MUC5B: variants seen among roughly 807,000 people sequenced by gnomAD.
MUC5B encodes the protein mucin-5B.
Under a neutral mutation model 376.9 loss-of-function variants are expected in MUC5B, and 116 were observed. The ratio of observed to expected loss-of-function variants is 0.31; its 90% CI spans 0.26 to 0.36. The LOEUF is 0.36. Ranked by LOEUF, MUC5B falls within the 10% of genes least tolerant of loss-of-function variation. The pLI is 1.00. For missense variants in MUC5B, 7,165 were observed against 7,769.9 expected (o/e 0.92, Z 2.93); for synonymous variants, 3,517 against 3,390.9 (o/e 1.04, Z -1.29).
chr11:1,260,507 C>T (rs1487914831), intron 47 of MUC5B, 114 bp downstream of exon 47: 10 of 1,474,258 alleles, frequency 6.8e-6, no homozygotes, highest in African/African-American at 2.8e-5. Flanking sequence ...GTCCAGACTC[C>T]ACCCTCGGTC....
At chr11:1,225,575 C>A in intron 1 of MUC5B, 106 bp from the exon 2 acceptor site, 2 of 1,003,344 alleles carry the variant, frequency 2.0e-6, no homozygotes, top group South Asian at 1.6e-5. Context: ...CCACCAAGGA[C>A]CCCACATGCG....
At position 1,251,699 on chromosome 11, in the gene MUC5B, C is replaced by T; in HGVS notation, c.14819C>T (p.Ser4940Phe). 6.2e-7 allele frequency: 1 copy of T among 1,611,418 alleles called. No individual in the cohort carries two copies. The highest frequency in any genetic ancestry group is 8.5e-7 in the Non-Finnish European group (1 of 1,178,856). ...ACTGGCTTCCCCAGCTCCCACTTCT[C>T]TACTCCCTGCTTCTGCAGGGCATTT... is the stretch of plus-strand genomic sequence containing the variant. ...RPTGFPSSHF[S>F]TPCFCRAFGQ... Residue 4940 changes from serine to phenylalanine, a missense_variant, in exon 31 of 49, where the codon TCT (serine) becomes TTT (phenylalanine). Around this residue, in one of 31 missense-constraint regions of MUC5B, gnomAD observed 730 missense variants for 592.7 expected, o/e 1.23. Coordinates refer to ENST00000529681, the MANE Select transcript of MUC5B (RefSeq NM_002458.3).
Position 1,249,905 on chromosome 11 carries a change from C to A in MUC5B, c.13025C>A (p.Thr4342Asn). The A allele has an allele frequency of 6.2e-7, 1 of 1,613,704 alleles. No individual in the cohort carries two copies. Among genetic ancestry groups the A allele is most frequent in the South Asian group, 1.1e-5 (1 of 91,076 alleles). ...ACCGGGACCCTCCCAGAACAGACCACCACACCCGTGGCCACCATGTCCACA... is the reference window on the plus strand; with the variant it reads ...ACCGGGACCCTCCCAGAACAGACCAACACACCCGTGGCCACCATGTCCACA... ...GTTGTLPEQT[T>N]TPVATMSTIH... Residue 4342 changes from threonine to asparagine, a missense_variant, in exon 31 of 49, where the codon ACC (threonine) becomes AAC (asparagine). Thr to Asn is a moderately conservative substitution (Grantham distance 65). This residue lies in a region of MUC5B where 431 missense variants were observed against 390.4 expected (regional missense o/e 1.10). Transcript: ENST00000529681.
chr11:1,237,802 G>C (rs1282911050), intron 25 of MUC5B, among the ~76,000 whole-genome samples: 1 of 152,204 alleles, frequency 6.6e-6, no homozygotes, highest in East Asian at 1.9e-4. Flanking sequence ...CTGGGAAGAG[G>C]AGGTTGCAGT....
At chr11:1,223,618 G>A (rs927926875) in intron 1 of MUC5B, among the ~76,000 whole-genome samples, 1 of 152,144 alleles carries the variant, frequency 6.6e-6, no homozygotes, top group Admixed American at 6.5e-5. Context: ...TACCCTTCAC[G>A]ACCTCCCTGG....
chr11:1,234,392 G>C lies in MUC5B; in HGVS notation c.2478+87G>C, dbSNP rs1862109310. 3 of 1,501,302 alleles carry C rather than the reference G, an allele frequency of 2.0e-6. No individual in the cohort carries two copies. In the East Asian group the frequency reaches 7.4e-5, roughly 37 times the overall value. The allele number at this position is 1,501,302 out of a possible 1,614,324, so 93.0% of individuals were successfully genotyped here. On this transcript the variant is annotated intron_variant, in intron 20 of 48. Coordinates refer to ENST00000529681, the MANE Select transcript of MUC5B (RefSeq NM_002458.3). The surrounding 1 kb of genome is among the most constrained non-coding windows in gnomAD (Gnocchi z 6.3). ...AGCCCAGGGATCTGGTGGTCCTGGAGACACTTACCCACCTGGAAGCTCCGC... is the reference window on the plus strand; with the variant it reads ...AGCCCAGGGATCTGGTGGTCCTGGACACACTTACCCACCTGGAAGCTCCGC...
In MUC5B at chr11:1,244,750, C is replaced by G. The variant is rs746239911; in HGVS notation, c.7870C>G (p.Pro2624Ala). 1.2e-6 allele frequency: 2 copies of G among 1,612,562 alleles called. No individual in the cohort carries two copies. The highest frequency in any genetic ancestry group is 1.1e-5 in the South Asian group (1 of 90,988). ...CTTCACAGCCACCCCCTCCTCCAGC[C>G]CAGGGACGGCACGCACGCTTCCAGT... is the stretch of plus-strand genomic sequence containing the variant. ...TGFTATPSSS[P>A]GTARTLPVWI... Residue 2624 changes from proline (P) to alanine (A), a missense_variant, in exon 31 of 49, where the codon CCA (proline) becomes GCA (alanine). Coordinates refer to ENST00000529681, the MANE Select transcript of MUC5B (RefSeq NM_002458.3).
At chr11:1,232,244 T>G in intron 15 of MUC5B, 84 bp downstream of exon 15, 1 of 1,448,052 alleles carries the variant, frequency 6.9e-7, no homozygotes, top group Non-Finnish European at 9.3e-7. Context: ...CGGGGACCCC[T>G]GGGTGGGATT....
rs1861891812 is a variant in MUC5B at position 1,226,706 on chromosome 11, C to T, written c.291C>T (p.Gly97=). 1 of 1,612,804 alleles carries T rather than the reference C, an allele frequency of 6.2e-7. No individual in the cohort carries two copies. Among genetic ancestry groups the T allele is most frequent in the Non-Finnish European group, 8.5e-7 (1 of 1,179,816 alleles). ...ACGGCGACGTCTTCCGCTTCCCTGG[C>T]CTTTGCAACTACGTGTTCTCTGAGC... is the stretch of plus-strand genomic sequence containing the variant. ...TFDGDVFRFP[G]LCNYVFSEHC... Residue 97 remains glycine, a synonymous_variant, in exon 4 of 49, where the codon GGC becomes GGT. Transcript: ENST00000529681.
rs1590190653 is a variant in MUC5B at position 1,253,704 on chromosome 11, C to T, written c.15218-388C>T. On this transcript the variant is annotated intron_variant, in intron 33 of 48. Transcript: ENST00000529681. This position sits in a 1 kb window ranked among gnomAD's most constrained non-coding sequence, Gnocchi z 4.3. ...TCCAGGTGTCCTTTGGCTGTGGCTG[C>T]ATCCCTCCGATCTCTGCCTCTGCCT... Among the ~76,000 whole-genome samples the T allele has an allele frequency of 6.6e-6, 1 of 152,248 alleles. No individual in the cohort carries two copies. The highest frequency in any genetic ancestry group is 6.5e-5 in the Admixed American group (1 of 15,302).
At position 1,239,828 on chromosome 11, in the gene MUC5B, C is replaced by A; in HGVS notation, c.3613C>A (p.Pro1205Thr). Residue 1205 changes from proline to threonine, a missense_variant, in exon 28 of 49, where the codon CCC becomes ACC. Transcript: ENST00000529681. ...CTACCCGAAGTGCCCACCCAGCCAGCCCTTCTTCAATGAGGACCAGATGAA... is the reference window on the plus strand; with the variant it reads ...CTACCCGAAGTGCCCACCCAGCCAGACCTTCTTCAATGAGGACCAGATGAA... ...GCYPKCPPSQ[P>T]FFNEDQMKCV... The A allele has an allele frequency of 1.2e-6, 2 of 1,612,422 alleles. No individual in the cohort carries two copies. The highest frequency in any genetic ancestry group is 1.7e-6 in the Non-Finnish European group (2 of 1,179,372).
chr11:1,256,764 G>C lies in MUC5B; in HGVS notation c.16230G>C (p.Gln5410His). The C allele has an allele frequency of 1.2e-5, 19 of 1,531,486 alleles. No homozygotes were observed. Among genetic ancestry groups the C allele is most frequent in the Non-Finnish European group, 1.5e-5 (17 of 1,140,486 alleles). 94.9% of individuals were successfully genotyped at this position (1,531,486 alleles called of 1,614,324 possible). The change falls in exon 39 of 49, where the codon CAG becomes CAC. Residue 5410 changes from glutamine (Q) to histidine (H), a missense_variant. Coordinates refer to ENST00000529681, the MANE Select transcript of MUC5B (RefSeq NM_002458.3). The part of the protein sequence containing the change: ...LFNAHMGICV[Q>H]ACPCVGPDGF... ...ACGCACACATGGGCATCTGCGTGCA[G>C]GCCTGCCGTAAGCTCCGCCACCTGT...
In MUC5B at chr11:1,257,763, C is replaced by T. The variant is rs368533511; in HGVS notation, c.16450+53C>T. 231 of 1,496,432 alleles carry T rather than the reference C, an allele frequency of 1.5e-4. No homozygotes were observed. The highest frequency in any genetic ancestry group is 6.8e-4 in the Middle Eastern group (3 of 4,398). The allele number at this position is 1,496,432 out of a possible 1,614,324, so 92.7% of individuals were successfully genotyped here. A position where few individuals can be genotyped will look rare whatever the true frequency, so the allele number is the denominator to read the frequency against. On this transcript the variant is annotated intron_variant, in intron 41 of 48. Transcript: ENST00000529681. The surrounding 1 kb of genome is among the most constrained non-coding windows in gnomAD (Gnocchi z 8.9). ...GGCATAGGGTGAGGGGGGACAGAGC[C>T]GGTGCCCACCAGGGGCCTGTGGGTT...
chr11:1,233,929 GC>G, intron 19 of MUC5B, 81 bp downstream of exon 19: 1 of 1,392,678 alleles, frequency 7.2e-7, no homozygotes, highest in Non-Finnish European at 9.9e-7. Flanking sequence ...GCCCCACCCT[GC>G]CCCACCCCAC....
chr11:1,244,602 C>A lies in MUC5B; in HGVS notation c.7722C>A (p.Val2574=), dbSNP rs1453108430. 6.2e-7 allele frequency: 1 copy of A among 1,613,548 alleles called. No individual in the cohort carries two copies. Among genetic ancestry groups the A allele is most frequent in the Non-Finnish European group, 8.5e-7 (1 of 1,179,772 alleles). ...TATPSSTPET[V]HTSTVLTTTA... ...CACCCTCCTCCACTCCAGAGACTGT[C>A]CACACCTCCACAGTGCTTACCACCA... Residue 2574 remains valine, a synonymous_variant, in exon 31 of 49, where the codon GTC becomes GTA. Transcript: ENST00000529681.
intron 21 of MUC5B, 26 bp from the exon 22 acceptor site, chr11:1,235,059 G>C: frequency 1.9e-6 from 3 of 1,599,088 alleles, no homozygotes; most frequent in Non-Finnish European, 2.6e-6. Context: ...GCCCCTGTGA[G>C]CAGGCACCAT....
chr11:1,237,997 GCATA>G (rs946691590), intron 25 of MUC5B, among the ~76,000 whole-genome samples: 13 of 152,228 alleles, frequency 8.5e-5, no homozygotes, highest in African/African-American at 3.1e-4. Flanking sequence ...GCAGCAGTGG[GCATA>G]CTCGCTCGTG....
rs1861899864 is a variant in MUC5B, at chr11:1,226,956, C to G, written c.462-75C>G. 12 of 1,419,094 alleles carry G rather than the reference C, an allele frequency of 8.5e-6. No homozygotes were observed. The Admixed American group carries it at 2.2e-4, about 26-fold the overall frequency. 87.9% of individuals were successfully genotyped at this position (1,419,094 alleles called of 1,614,324 possible). ...CCACACGGCCATGTCTGACCTGGGC[C>G]AGGGCTGGGGGGGGGTTGGGTGGGC... On this transcript the variant is annotated intron_variant, in intron 4 of 48. Coordinates refer to ENST00000529681, the MANE Select transcript of MUC5B (RefSeq NM_002458.3).
At chr11:1,231,686 G>C (rs1862032754) in intron 14 of MUC5B, 126 bp downstream of exon 14, 15 of 1,235,310 alleles carry the variant, frequency 1.2e-5, no homozygotes, top group Non-Finnish European at 1.5e-5. Context: ...CCCAGGGCAT[G>C]GCGGAGATCC....
Sources: allele counts gnomAD v4.1 joint callset (sites outside exome capture counted in the v4.1 genomes callset), GRCh38; gene constraint gnomAD v4.1.1; regional missense constraint gnomAD v4.1.1; non-coding constraint Gnocchi (gnomAD v3.1); transcripts MANE v1.5; gene names NCBI Gene and HGNC (gene_info 2026-07-23, HGNC 2026-07-21).